The following SNAP47 variants were observed in gnomAD, a reference collection of about 807,000 sequenced individuals.
The protein encoded by SNAP47 is synaptosomal-associated protein 47.
Under a neutral mutation model 31.4 loss-of-function variants are expected in SNAP47, and 20 were observed. The observed-to-expected ratio is 0.64, with a 90% CI of 0.45 to 0.93. The LOEUF is 0.93. SNAP47 is among the 40% of genes least tolerant of loss of function. The pLI is 0.00. For synonymous variants in SNAP47, 194 were observed against 213.4 expected (o/e 0.91, Z 0.79); for missense variants, 492 against 528.5 (o/e 0.93, Z 0.68).
upstream of SNAP47, chr1:227,733,512 G>A (rs1571963647): frequency 1.3e-6 from 2 of 1,595,102 alleles, no homozygotes; most frequent in Non-Finnish European, 1.7e-6. Flanking sequence ...TGGTTCCGTG[G>A]GTGCAGGTGT....
intron 1 of SNAP47, among the ~76,000 whole-genome samples, chr1:227,745,001 G>GA (rs1190627613): frequency 6.6e-6 from 1 of 152,240 alleles, no homozygotes; most frequent in Non-Finnish European, 1.5e-5. Flanking sequence ...TTGTCGGTGA[G>GA]AGGAAGCGTG....
chr1:227,747,218 G>C (rs1488748722), intron 1 of SNAP47: 1 of 155,910 alleles, frequency 6.4e-6, no homozygotes. Context: ...TTCCAAAGGG[G>C]AATGTGCATC....
intron 4 of SNAP47, among the ~76,000 whole-genome samples, chr1:227,778,020 A>G (rs1382287705): frequency 6.6e-6 from 1 of 152,234 alleles, no homozygotes; most frequent in African/African-American, 2.4e-5. Context: ...TTCATTCAGG[A>G]TAGCTATAGG....
At chr1:227,736,686 G>GTTTTTTTTTTTTTTTTTTTT (rs112159513) in intron 1 of SNAP47, among the ~76,000 whole-genome samples, 14 of 110,912 alleles carry the variant, frequency 1.3e-4, no homozygotes, top group Non-Finnish European at 1.5e-4. Flanking sequence ...TTTTGTTTTT[G>GTTTTTTTTTTTTTTTTTTTT]TTTTTTTTTT....
At chr1:227,767,716 C>T (rs1663528193) in intron 4 of SNAP47, among the ~76,000 whole-genome samples, 1 of 151,806 alleles carries the variant, frequency 6.6e-6, no homozygotes, top group South Asian at 2.1e-4. Flanking sequence ...ATGTACTGTA[C>T]ATGTATGTGT....
chr1:227,757,055 T>C lies in SNAP47; in HGVS notation c.498-1940T>C, dbSNP rs180700178. On this transcript the variant is annotated intron_variant, in intron 2 of 4. Transcript: ENST00000617596. Reference sequence around the variant, plus strand: ...ATGTGGAAGTTCAATTCCCTTAGTCTCTCTAGGAATTGTTCCTTTCTCTGT... The same window carrying C: ...ATGTGGAAGTTCAATTCCCTTAGTCCCTCTAGGAATTGTTCCTTTCTCTGT... 2.0e-5 allele frequency among the ~76,000 whole-genome samples: 3 copies of C among 149,960 alleles called. No individual in the cohort carries two copies. The East Asian group carries it at 5.9e-4, about 29-fold the overall frequency.
intron 4 of SNAP47, among the ~76,000 whole-genome samples, chr1:227,775,615 G>A (rs1422552541): frequency 2.0e-5 from 3 of 152,244 alleles, no homozygotes; most frequent in African/African-American, 7.2e-5. Flanking sequence ...AGGCTGGGAC[G>A]TCTTCAGGCC....
At chr1:227,749,468 G>T (rs901605085) in intron 2 of SNAP47, among the ~76,000 whole-genome samples, 1 of 152,164 alleles carries the variant, frequency 6.6e-6, no homozygotes, top group African/African-American at 2.4e-5. Context: ...TTGTGCCTGC[G>T]TGTTGCTGGT....
At chr1:227,739,111 A>G (rs1661427652) in intron 1 of SNAP47, among the ~76,000 whole-genome samples, 1 of 152,154 alleles carries the variant, frequency 6.6e-6, no homozygotes, top group Non-Finnish European at 1.5e-5. Context: ...TCGCTTGGGA[A>G]TGGCAAGAAA....
At chr1:227,735,711 G>A in intron 1 of SNAP47, 1 of 984,374 alleles carries the variant, frequency 1.0e-6, no homozygotes, top group Non-Finnish European at 1.2e-6. Context: ...GCCCAGGGAT[G>A]ATGGGACCCG....
intron 4 of SNAP47, among the ~76,000 whole-genome samples, chr1:227,779,468 C>A (rs1664340902): frequency 6.6e-6 from 1 of 152,168 alleles, no homozygotes; most frequent in Admixed American, 6.5e-5. Context: ...TGTAGGGGCC[C>A]CCCTCAAGAT....
chr1:227,734,643 C>G, upstream of SNAP47: 1 of 1,613,782 alleles, frequency 6.2e-7, no homozygotes, highest in Admixed American at 1.7e-5. Flanking sequence ...CGTCCCAAGC[C>G]CCATTACCTG....
chr1:227,733,877 C>T (rs577778890), upstream of SNAP47: 8 of 1,611,568 alleles, frequency 5.0e-6, no homozygotes, highest in East Asian at 2.2e-5. Context: ...CAGGCCCCTT[C>T]GGGTTCCACT....
upstream of SNAP47, chr1:227,733,817 C>CCAAG: frequency 6.3e-7 from 1 of 1,589,588 alleles, no homozygotes. Flanking sequence ...GAGGCCTGTG[C>CCAAG]CAAGCAGCCC....
chr1:227,730,049 G>C (rs1660541874), upstream of SNAP47, among the ~76,000 whole-genome samples: 1 of 152,200 alleles, frequency 6.6e-6, no homozygotes, highest in African/African-American at 2.4e-5. Flanking sequence ...CGTAGCCTTA[G>C]GTCTTGAGCA....
intron 4 of SNAP47, among the ~76,000 whole-genome samples, chr1:227,767,672 G>C (rs1252764322): frequency 7.2e-6 from 1 of 138,494 alleles, no homozygotes; most frequent in East Asian, 2.1e-4. Context: ...GCATGGGCAT[G>C]TGTATATGTG....
At chr1:227,732,784 A>T, upstream of SNAP47, 4 of 1,591,216 alleles carry the variant, frequency 2.5e-6, no homozygotes, top group Non-Finnish European at 3.4e-6. Context: ...CCATTAAGAC[A>T]GAGGCACTGA....
intron 1 of SNAP47, among the ~76,000 whole-genome samples, chr1:227,737,800 G>A (rs1023652575): frequency 6.0e-5 from 9 of 150,802 alleles, no homozygotes; most frequent in East Asian, 1.9e-4. Context: ...GACAGGAGGC[G>A]GAGAGTTGTT....
rs1431075540 is a variant in SNAP47, at chr1:227,781,012, T to G, written c.*339T>G. The G allele has an allele frequency of 6.9e-6, 2 of 290,604 alleles. No homozygotes were observed. Among genetic ancestry groups the G allele is most frequent in the East Asian group, 1.5e-4 (2 of 13,452 alleles). The allele number at this position is 290,604 out of a possible 1,614,324, so 18.0% of individuals were successfully genotyped here. On this transcript the variant is annotated 3_prime_UTR_variant, in exon 5 of 5. Coordinates refer to ENST00000617596, the MANE Select transcript of SNAP47 (RefSeq NM_053052.4). ...GCTCCCTTTCATGGACAGACTGGCC[T>G]TCTTAGCTGTACTATAAATTTGTGA...
Sources: gnomAD v4.1 joint callset for allele counts (sites outside exome capture counted in the v4.1 genomes callset) on GRCh38, gnomAD v4.1.1 for gene constraint, MANE v1.5 for transcripts, NCBI Gene and HGNC (gene_info 2026-07-23, HGNC 2026-07-21) for gene names.